Variants in GREB1L observed in about 807,000 individuals in gnomAD.
GREB1L encodes the protein GREB1 like retinoic acid receptor coactivator, also known as GREB1-like protein.
In GREB1L, 17 loss-of-function variants were observed where a neutral mutation model predicts 200.8. The ratio of observed to expected loss-of-function variants is 0.08; its 90% CI spans 0.06 to 0.13. GREB1L has a LOEUF of 0.13. Among genes scored for constraint, GREB1L ranks in the 10% least tolerant of loss-of-function variants. The pLI is 1.00. For missense variants in GREB1L, 1,657 were observed against 2,367.7 expected, an observed-to-expected ratio of 0.70 and a Z score of 6.23; for synonymous variants, 789 against 893.0, an observed-to-expected ratio of 0.88 and a Z score of 2.08.
At chr18:21,276,188 C>A (rs956658040) in intron 1 of GREB1L, among the ~76,000 whole-genome samples, 1 of 152,188 alleles carries the variant, frequency 6.6e-6, no homozygotes, top group Non-Finnish European at 1.5e-5. Context: ...CCTCAATCGA[C>A]CAGTCTTTCT....
chr18:21,378,269 C>G (rs1350550626), intron 2 of GREB1L, among the ~76,000 whole-genome samples: 3 of 152,216 alleles, frequency 2.0e-5, no homozygotes, highest in African/African-American at 7.2e-5. Context: ...CCTTTGAACT[C>G]CACCCTTCTT....
rs534329143 is a variant in GREB1L, at chr18:21,419,281, T to G, written c.832+15287T>G. 3.8e-4 allele frequency among the ~76,000 whole-genome samples: 58 copies of G among 152,326 alleles called. No homozygotes were observed. The South Asian group carries it at 0.012, about 31-fold the overall frequency. ...AGCAAACATAACTATAAAATTGTCT[T>G]TATTCATAGACCACGTGATTGTCTA... On this transcript the variant is annotated intron_variant, in intron 7 of 32. Coordinates refer to ENST00000424526, the MANE Select transcript of GREB1L (RefSeq NM_001142966.3).
intron 13 of GREB1L, 27 bp downstream of exon 13, chr18:21,451,178 C>G: frequency 6.5e-7 from 1 of 1,549,260 alleles, no homozygotes. Context: ...TTTGGCAACA[C>G]TGGCAGCCCC....
chr18:21,520,688 G>A lies in GREB1L; in HGVS notation c.5473G>A (p.Val1825Met). 1 of 1,551,506 alleles carries A rather than the reference G, an allele frequency of 6.4e-7. No individual in the cohort carries two copies. The highest frequency in any genetic ancestry group is 8.7e-7 in the Non-Finnish European group (1 of 1,146,940). ...TGCTATTTTTGCTTGATGATTTCAG[G>A]TGGCCATATGCTATATCAGCTCCAG... Reference protein sequence around the residue: ...IDCYLNIGPEVAICYISSRPH... With the variant: ...IDCYLNIGPEMAICYISSRPH... The change falls in exon 32 of 33, where the codon GTG (valine) becomes ATG (methionine). Residue 1825 changes from valine (V) to methionine (M), a missense_variant and splice_region_variant. Coordinates refer to ENST00000424526, the MANE Select transcript of GREB1L (RefSeq NM_001142966.3).
intron 15 of GREB1L, chr18:21,454,899 C>T (rs1180503265): frequency 5.6e-6 from 2 of 356,824 alleles, no homozygotes; most frequent in South Asian, 2.4e-5. Flanking sequence ...GCGTCTGTGC[C>T]ACCTGAACTC....
chr18:21,324,155 T>C (rs1358554888), intron 1 of GREB1L, among the ~76,000 whole-genome samples: 2 of 152,192 alleles, frequency 1.3e-5, no homozygotes, highest in African/African-American at 4.8e-5. Flanking sequence ...TATATTTGAA[T>C]TGTTGGAAAA....
intron 2 of GREB1L, among the ~76,000 whole-genome samples, chr18:21,382,352 T>A (rs565380539): frequency 1.5e-3 from 226 of 151,784 alleles, no homozygotes; most frequent in African/African-American, 4.8e-3. Flanking sequence ...CTCAAAAAAA[T>A]TTTTAAAAAA....
intron 15 of GREB1L, among the ~76,000 whole-genome samples, chr18:21,460,969 C>T (rs1443079646): frequency 2.6e-5 from 4 of 151,686 alleles, no homozygotes; most frequent in Admixed American, 6.6e-5. Context: ...AGGTGGCATG[C>T]ACCTGTAATC....
At chr18:21,448,640 A>G (rs1019515976) in intron 11 of GREB1L, among the ~76,000 whole-genome samples, 4 of 152,190 alleles carry the variant, frequency 2.6e-5, no homozygotes, top group Non-Finnish European at 4.4e-5. Flanking sequence ...CTGAGTTTCA[A>G]ATATTGGGTT....
At chr18:21,375,759 A>G (rs1020158375) in intron 2 of GREB1L, among the ~76,000 whole-genome samples, 4 of 152,188 alleles carry the variant, frequency 2.6e-5, no homozygotes, top group African/African-American at 7.2e-5. Flanking sequence ...TCTAAGCCTC[A>G]GTTATCTTGA....
Position 21,518,021 on chromosome 18 carries a change from C to T in GREB1L, c.5272-13C>T. 6.5e-7 allele frequency: 1 copy of T among 1,545,190 alleles called. No homozygotes were observed. The highest frequency in any genetic ancestry group is 1.2e-5 in the South Asian group (1 of 83,894). ...AGACAAGTTTCCCATGATCATCTCG[C>T]CTCTGATTTCAGGTGTCAGAGAGCT... On this transcript the variant is annotated splice_polypyrimidine_tract_variant and intron_variant, in intron 30 of 32. Transcript: ENST00000424526.
At chr18:21,396,108 G>GC (rs2144387971) in intron 5 of GREB1L, among the ~76,000 whole-genome samples, 2 of 140,434 alleles carry the variant, frequency 1.4e-5, no homozygotes, top group South Asian at 4.7e-4. Flanking sequence ...GCAGTGGCAT[G>GC]ATCTCGGCTC....
chr18:21,293,731 C>T (rs536378972), intron 1 of GREB1L, among the ~76,000 whole-genome samples: 1 of 152,282 alleles, frequency 6.6e-6, no homozygotes, highest in Admixed American at 6.5e-5. Flanking sequence ...ATGAATAAGA[C>T]ATGGTCCCTA....
At chr18:21,469,168 G>A (rs2035383021) in intron 15 of GREB1L, among the ~76,000 whole-genome samples, 1 of 152,142 alleles carries the variant, frequency 6.6e-6, no homozygotes, top group Non-Finnish European at 1.5e-5. Context: ...GCAATTTATT[G>A]TAGTATTTCC....
intron 2 of GREB1L, among the ~76,000 whole-genome samples, chr18:21,376,105 C>G (rs564068554): frequency 2.6e-4 from 39 of 152,184 alleles, no homozygotes; most frequent in Admixed American, 1.4e-3. Context: ...CTCTCTCTCT[C>G]TCTCTGCTGT....
At chr18:21,470,047 G>T (rs971725331) in intron 15 of GREB1L, among the ~76,000 whole-genome samples, 1 of 152,024 alleles carries the variant, frequency 6.6e-6, no homozygotes, top group Non-Finnish European at 1.5e-5. Context: ...TGCTTTGAGA[G>T]GCCAAAGCTG....
chr18:21,442,778 CT>C (rs753808481), intron 10 of GREB1L, among the ~76,000 whole-genome samples: 4,170 of 129,160 alleles, frequency 0.032, 152 homozygotes, highest in African/African-American at 0.095. Context: ...ATTTAGCTTA[CT>C]TTTTTTTTTT....
chr18:21,426,603 C>T (rs537005830), intron 7 of GREB1L, among the ~76,000 whole-genome samples: 1 of 152,228 alleles, frequency 6.6e-6, no homozygotes, highest in East Asian at 1.9e-4. Flanking sequence ...ATTATGGTAG[C>T]TTTGTATGAA....
chr18:21,425,386 C>T (rs922364325), intron 7 of GREB1L, among the ~76,000 whole-genome samples: 1 of 152,168 alleles, frequency 6.6e-6, no homozygotes, highest in African/African-American at 2.4e-5. Flanking sequence ...TGGCTGGATG[C>T]GTGTTTTCCT....
Sources: allele counts gnomAD v4.1 joint callset (sites outside exome capture counted in the v4.1 genomes callset), GRCh38; gene constraint gnomAD v4.1.1; transcripts MANE v1.5; gene names NCBI Gene and HGNC (gene_info 2026-07-23, HGNC 2026-07-21).